Variants in ZNF99 observed in about 807,000 individuals in gnomAD.
The protein encoded by ZNF99 is zinc finger protein ENSP00000375192.
In ZNF99, 8 loss-of-function variants were observed where a neutral mutation model predicts 12.8. The ratio of observed to expected loss-of-function variants is 0.62; its 90% CI spans 0.37 to 1.13. ZNF99 has a LOEUF of 1.13. Ranked by LOEUF, ZNF99 falls within the 50% of genes most tolerant of loss-of-function variation. The pLI is 0.02. For synonymous variants in ZNF99, 318 were observed against 319.0 expected (o/e 1.00, Z 0.03); for missense variants, 1,007 against 1,006.2 (o/e 1.00, Z -0.01).
chr19:22,760,445 T>C (rs1471252133), intron 3 of ZNF99, among the ~76,000 whole-genome samples: 1 of 152,138 alleles, frequency 6.6e-6, no homozygotes, highest in African/African-American at 2.4e-5. Context: ...GGTGGCATAC[T>C]TTAAAATGAC....
Position 22,754,055 on chromosome 19 carries a change from T to G in ZNF99, c.*3259A>C. 4.4e-6 allele frequency: 2 copies of G among 455,990 alleles called. No homozygotes were observed. The highest frequency in any genetic ancestry group is 4.4e-6 in the Non-Finnish European group (1 of 226,806). The allele number at this position is 455,990 out of a possible 1,614,324, so 28.2% of individuals were successfully genotyped here. On this transcript the variant is annotated 3_prime_UTR_variant, in exon 4 of 4. Coordinates refer to ENST00000596209, the MANE Select transcript of ZNF99 (RefSeq NM_001080409.3). ...CTCTCCAGTATGATTTGATAACTTA[T>G]TAAAAACTTTGCCACATTCGACCGG... is the stretch of plus-strand genomic sequence containing the variant.
chr19:22,767,107 CA>C (rs35316902), intron 3 of ZNF99, among the ~76,000 whole-genome samples: 1,126 of 81,686 alleles, frequency 0.014, 13 homozygotes, highest in African/African-American at 0.032. Flanking sequence ...CTGTCTCTAC[CA>C]AAAAAAAAAA....
At chr19:22,763,185 A>C (rs1247365099) in intron 3 of ZNF99, among the ~76,000 whole-genome samples, 2 of 152,198 alleles carry the variant, frequency 1.3e-5, no homozygotes, top group Non-Finnish European at 2.9e-5. Flanking sequence ...GGTAAAGAGG[A>C]AGTAAAGCTG....
chr19:22,757,063 T>C lies in ZNF99; in HGVS notation c.*251A>G, dbSNP rs779213588. 2 of 1,612,874 alleles carry C rather than the reference T, an allele frequency of 1.2e-6. No individual in the cohort carries two copies. Among genetic ancestry groups the C allele is most frequent in the Non-Finnish European group, 1.7e-6 (2 of 1,179,270 alleles). ...TGTACGATTTCTCCCTAGTATGAAT[T>C]AGCTTATGTTTCTTAAGGGTTGAGG... On this transcript the variant is annotated 3_prime_UTR_variant, in exon 4 of 4. Transcript: ENST00000596209.
chr19:22,780,023 G>T (rs1392183941), intron 1 of ZNF99, among the ~76,000 whole-genome samples: 2 of 152,170 alleles, frequency 1.3e-5, no homozygotes, highest in Non-Finnish European at 1.5e-5. Context: ...GCATCTGCCT[G>T]TGGGTCCCCA....
rs1034000845 is a variant in ZNF99 at position 22,778,528 on chromosome 19, T to A, written c.3+5486A>T. Among the ~76,000 whole-genome samples, 4 of 152,154 alleles carry A rather than the reference T, an allele frequency of 2.6e-5. 1 individual carries two copies. The highest frequency in any genetic ancestry group is 9.7e-5 in the African/African-American group (4 of 41,428). On this transcript the variant is annotated intron_variant, in intron 1 of 3. Transcript: ENST00000596209. ...CTGAAAAAGCCAGTCACAAACCCCA[T>A]GGGCCCATCTTTGCTTCTGAGCTAC... is the stretch of plus-strand genomic sequence containing the variant.
chr19:22,767,029 G>A (rs371754155), intron 3 of ZNF99, among the ~76,000 whole-genome samples: 5 of 151,024 alleles, frequency 3.3e-5, no homozygotes, highest in African/African-American at 4.9e-5. Flanking sequence ...CAGGACTTTC[G>A]GAGGCCAAGG....
At chr19:22,768,643 G>T (rs1268932086) in intron 2 of ZNF99, among the ~76,000 whole-genome samples, 2 of 152,056 alleles carry the variant, frequency 1.3e-5, no homozygotes, top group South Asian at 2.1e-4. Flanking sequence ...TACATTTTAT[G>T]CCACTAAATT....
At position 22,758,340 on chromosome 19, in the gene ZNF99, G is replaced by A; in HGVS notation, c.1569C>T (p.Ala523=). The change falls in exon 4 of 4, where the codon GCC becomes GCT. Residue 523 remains alanine (A), a synonymous_variant. Coordinates refer to ENST00000596209, the MANE Select transcript of ZNF99 (RefSeq NM_001080409.3). ...ECGKAFKHFS[A]LRKHKIIHTG... is the part of the protein sequence containing the mutation. ...TATGAATTATCTTATGTTTTCTAAG[G>A]GCTGAGAAATGCTTAAAAGCTTTGC... is the stretch of plus-strand genomic sequence containing the variant. The A allele has an allele frequency of 6.2e-7, 1 of 1,612,690 alleles. No individual in the cohort carries two copies. Among genetic ancestry groups the A allele is most frequent in the Non-Finnish European group, 8.5e-7 (1 of 1,179,544 alleles).
In ZNF99 at chr19:22,757,411, G is replaced by A. The variant is rs764924500; in HGVS notation, c.2498C>T (p.Thr833Ile). The part of the protein sequence containing the change: ...GKAFQWSSKL[T>I]LHKVIHMERN... ...CTCCATATGAATTACCTTATGTAAA[G>A]TAAGTTTTGAGGACCACTGAAAAGC... Residue 833 changes from threonine to isoleucine, a missense_variant, in exon 4 of 4, where the codon ACT becomes ATT. Thr to Ile is a moderately conservative substitution (Grantham distance 89). Transcript: ENST00000596209. 9.3e-6 allele frequency: 15 copies of A among 1,605,582 alleles called. 1 individual carries two copies. In the South Asian group the frequency reaches 1.3e-4, roughly 14 times the overall value.
chr19:22,780,085 G>A (rs73927447), intron 1 of ZNF99, among the ~76,000 whole-genome samples: 5,550 of 152,164 alleles, frequency 0.036, 337 homozygotes, highest in African/African-American at 0.13. Flanking sequence ...TTCCATGACT[G>A]GGGTGAGCAG....
intron 1 of ZNF99, chr19:22,771,208 G>A (rs1301000130): frequency 6.9e-6 from 1 of 145,320 alleles, no homozygotes; most frequent in African/African-American, 2.6e-5. Context: ...TGGGGTTACA[G>A]GTGTGAGCCA....
chr19:22,777,269 A>G (rs1366809296), intron 1 of ZNF99, among the ~76,000 whole-genome samples: 1 of 152,280 alleles, frequency 6.6e-6, no homozygotes, highest in East Asian at 1.9e-4. Flanking sequence ...GGAGCTGGAG[A>G]CCATTATCCT....
At chr19:22,780,290 T>C (rs62122366) in intron 1 of ZNF99, among the ~76,000 whole-genome samples, 2,676 of 152,318 alleles carry the variant, frequency 0.018, 35 homozygotes, top group Non-Finnish European at 0.028. Context: ...ACAGTGTTCA[T>C]ATAAGGGAAG....
In ZNF99 at chr19:22,778,519, C is replaced by G. The variant is rs568812784; in HGVS notation, c.3+5495G>C. ...TTGTTCTTACTGAAAAAGCCAGTCA[C>G]AAACCCCATGGGCCCATCTTTGCTT... On this transcript the variant is annotated intron_variant, in intron 1 of 3. Transcript: ENST00000596209. 1.5e-3 allele frequency among the ~76,000 whole-genome samples: 225 copies of G among 152,292 alleles called. 1 individual carries two copies. The Middle Eastern group carries it at 0.02, about 14-fold the overall frequency.
Position 22,758,789 on chromosome 19 carries a change from A to T in ZNF99, c.1120T>A (p.Cys374Ser), listed in dbSNP as rs62119159. Residue 374 changes from cysteine to serine, a missense_variant, in exon 4 of 4, where the codon TGC becomes AGC. Transcript: ENST00000596209. ...TEEKPYKYEE[C>S]GKAFSNLSAL... ...GACAAATTGCTAAAAGCTTTGCCGCATTCTTCATATTTGTAGGGTTTCTCT... is the reference window on the plus strand; with the variant it reads ...GACAAATTGCTAAAAGCTTTGCCGCTTTCTTCATATTTGTAGGGTTTCTCT... 142,051 of 1,611,210 alleles carry T rather than the reference A, an allele frequency of 0.088. 6,421 individuals are homozygous for T. The highest frequency in any genetic ancestry group is 0.14 in the Middle Eastern group (836 of 6,036).
chr19:22,782,067 T>C (rs1973393791), intron 1 of ZNF99, among the ~76,000 whole-genome samples: 1 of 152,042 alleles, frequency 6.6e-6, no homozygotes, highest in Admixed American at 6.6e-5. Context: ...AAAAGTACCA[T>C]CCAATGCTTT....
intron 2 of ZNF99, 43 bp downstream of exon 2, chr19:22,769,155 C>A (rs1355599735): frequency 6.3e-7 from 1 of 1,578,090 alleles, no homozygotes; most frequent in Non-Finnish European, 8.6e-7. Flanking sequence ...GAAATGAAAC[C>A]TATAGAATAT....
In ZNF99 at chr19:22,777,149, AAAAAT is replaced by A. The variant is rs533658775; in HGVS notation, c.3+6860_3+6864del. Among the ~76,000 whole-genome samples, 7 of 152,264 alleles carry A rather than the reference AAAAAT, an allele frequency of 4.6e-5. No individual in the cohort carries two copies. The South Asian group carries it at 1.0e-3, about 23-fold the overall frequency. ...CCTGGGTGACAGAGACCCATTTTCA[AAAAAT>A]AAAATAAAGTATTTAGCAAAAACAA... is the stretch of plus-strand genomic sequence containing the variant. On this transcript the variant is annotated intron_variant, in intron 1 of 3. Coordinates refer to ENST00000596209, the MANE Select transcript of ZNF99 (RefSeq NM_001080409.3).
Sources: allele counts gnomAD v4.1 joint callset (sites outside exome capture counted in the v4.1 genomes callset), GRCh38; gene constraint gnomAD v4.1.1; transcripts MANE v1.5; gene names NCBI Gene and HGNC (gene_info 2026-07-23, HGNC 2026-07-21).